Variants in ATP6V1H observed in about 807,000 individuals in gnomAD.
The protein encoded by ATP6V1H is V-type proton ATPase subunit H.
A neutral mutation model predicts 71.7 loss-of-function variants in ATP6V1H; 39 were observed. That is an observed-to-expected ratio of 0.54 (90% CI 0.42 to 0.71). The LOEUF is 0.71. Ranked by LOEUF, ATP6V1H falls within the 30% of genes least tolerant of loss-of-function variation. The pLI is 0.00. For synonymous variants in ATP6V1H, 192 were observed against 199.3 expected (o/e 0.96, Z 0.31); for missense variants, 509 against 594.9 (o/e 0.86, Z 1.50).
At chr8:53,796,563 T>C (rs1394924043) in intron 8 of ATP6V1H, among the ~76,000 whole-genome samples, 1 of 150,104 alleles carries the variant, frequency 6.7e-6, no homozygotes, top group Non-Finnish European at 1.5e-5. Context: ...GTGACCTTCA[T>C]ATTGGAGCAG....
chr8:53,773,843 A>C (rs1156727451), intron 9 of ATP6V1H, among the ~76,000 whole-genome samples: 1 of 152,228 alleles, frequency 6.6e-6, no homozygotes, highest in East Asian at 1.9e-4. Context: ...AAAAAGAAAC[A>C]GAAATCCTAG....
chr8:53,719,493 G>T (rs150546661), intron 13 of ATP6V1H, among the ~76,000 whole-genome samples: 2 of 152,116 alleles, frequency 1.3e-5, no homozygotes, highest in Non-Finnish European at 2.9e-5. Flanking sequence ...CCTGAATGTC[G>T]AATGACATTA....
At position 53,817,510 on chromosome 8, in the gene ATP6V1H, G is replaced by A. The variant is rs931667632; in HGVS notation, c.327C>T (p.Ser109=). The change falls in exon 5 of 14, where the codon AGC becomes AGT. Residue 109 remains serine, a synonymous_variant. Coordinates refer to ENST00000359530, the MANE Select transcript of ATP6V1H (RefSeq NM_015941.4). The part of the protein sequence containing the change: ...DMLQENHQRV[S]IFFDYARCSK... ...TACATCTTGCATAGTCAAAGAAAAT[G>A]CTAACACGCTGATGATTTTCCTAAA... The A allele has an allele frequency of 6.2e-7, 1 of 1,610,544 alleles. No individual in the cohort carries two copies. Among genetic ancestry groups the A allele is most frequent in the African/African-American group, 1.3e-5 (1 of 74,894 alleles).
At chr8:53,755,738 ATATATAT>A (rs1563451260) in intron 12 of ATP6V1H, among the ~76,000 whole-genome samples, 14 of 2,224 alleles carry the variant, frequency 6.3e-3, no homozygotes, top group Non-Finnish European at 9.1e-3. Flanking sequence ...ATATATATAT[ATATATAT>A]TTTTTTTTTT....
chr8:53,831,723 A>T (rs1377585086), intron 3 of ATP6V1H: 1 of 151,822 alleles, frequency 6.6e-6, no homozygotes, highest in African/African-American at 2.4e-5. Context: ...CACACGCTCA[A>T]ATAGTTTAAT....
chr8:53,735,325 G>C (rs1021761603), intron 13 of ATP6V1H, among the ~76,000 whole-genome samples: 1 of 152,038 alleles, frequency 6.6e-6, no homozygotes, highest in Non-Finnish European at 1.5e-5. Flanking sequence ...CTTACGAATC[G>C]CCTCAGATAA....
chr8:53,775,346 G>C lies in ATP6V1H; in HGVS notation c.871-3179C>G, dbSNP rs559463670. On this transcript the variant is annotated intron_variant, in intron 9 of 13. Coordinates refer to ENST00000359530, the MANE Select transcript of ATP6V1H (RefSeq NM_015941.4). The stretch of plus-strand genomic sequence containing the variant: ...AGAGCGAAAGAACACAGCTCCCACA[G>C]TGTGGAAGGGGACCGGAGCGGGTTG... Among the ~76,000 whole-genome samples the C allele has an allele frequency of 3.2e-4, 49 of 152,364 alleles. 1 individual carries two copies. The South Asian group carries it at 0.01, about 32-fold the overall frequency.
intron 11 of ATP6V1H, 24 bp from the exon 12 acceptor site, chr8:53,756,680 G>A (rs976893977): frequency 6.4e-7 from 1 of 1,557,676 alleles, no homozygotes; most frequent in Non-Finnish European, 8.8e-7. Context: ...TATCCAAAGA[G>A]AGATCAAGTT....
At chr8:53,755,715 TATATATATATATATATATATATATATATA>T (rs1563451095) in intron 12 of ATP6V1H, among the ~76,000 whole-genome samples, 285 of 6,842 alleles carry the variant, frequency 0.042, 11 homozygotes, top group Non-Finnish European at 0.054. Flanking sequence ...TATATATATA[TATATATATATATATATATATATATATATA>T]TTTTTTTTTT....
intron 13 of ATP6V1H, among the ~76,000 whole-genome samples, 191 bp downstream of exon 13, chr8:53,743,386 C>G (rs115136135): frequency 2.0e-5 from 3 of 151,420 alleles, no homozygotes; most frequent in Non-Finnish European, 4.4e-5. Flanking sequence ...CTCCTTGAGA[C>G]CTTTAGTGCA....
In ATP6V1H at chr8:53,791,135, A is replaced by G. The variant is rs555859908; in HGVS notation, c.870+4512T>C. Among the ~76,000 whole-genome samples, 3 of 152,368 alleles carry G rather than the reference A, an allele frequency of 2.0e-5. No individual in the cohort carries two copies. In the South Asian group the frequency reaches 6.2e-4, roughly 32 times the overall value. ...AACAGAAGGAGCATTAAGCCCTCAG[A>G]GAATAAATTTATTGAGTTGAAAAGA... is the stretch of plus-strand genomic sequence containing the variant. On this transcript the variant is annotated intron_variant, in intron 9 of 13. Coordinates refer to ENST00000359530, the MANE Select transcript of ATP6V1H (RefSeq NM_015941.4).
chr8:53,802,030 T>C, intron 7 of ATP6V1H, 134 bp from the exon 8 acceptor site: 1 of 699,402 alleles, frequency 1.4e-6, no homozygotes, highest in Non-Finnish European at 2.3e-6. Context: ...CTAATCTCTT[T>C]TCAAAAGTTA....
intron 1 of ATP6V1H, 129 bp from the exon 2 acceptor site, chr8:53,841,854 C>G: frequency 1.2e-6 from 1 of 816,260 alleles, no homozygotes; most frequent in Non-Finnish European, 1.8e-6. Context: ...ATTAAATGTC[C>G]TAAGTCTGAA....
intron 11 of ATP6V1H, among the ~76,000 whole-genome samples, chr8:53,758,114 T>C (rs1427107531): frequency 6.6e-6 from 1 of 152,256 alleles, no homozygotes; most frequent in African/African-American, 2.4e-5. Flanking sequence ...TATCTATTAA[T>C]ATTTTTAACA....
chr8:53,778,518 CG>C (rs1808973134), intron 9 of ATP6V1H, among the ~76,000 whole-genome samples: 1 of 152,068 alleles, frequency 6.6e-6, no homozygotes, highest in Admixed American at 6.6e-5. Context: ...CTCTGACAAC[CG>C]AAGACTATTC....
chr8:53,841,751 C>T lies in ATP6V1H; in HGVS notation c.-35-26G>A, dbSNP rs1041337804. ...CTTCAATTTTGATGCAAGGTAAAAA[C>T]AGAATACGAGGTGTTTCTTTTTTTT... On this transcript the variant is annotated intron_variant, in intron 1 of 13. Coordinates refer to ENST00000359530, the MANE Select transcript of ATP6V1H (RefSeq NM_015941.4). 48 of 1,592,920 alleles carry T rather than the reference C, an allele frequency of 3.0e-5. No individual in the cohort carries two copies. In the African/African-American group the frequency reaches 6.1e-4, roughly 20 times the overall value.
At chr8:53,819,147 A>G (rs1345856652) in intron 4 of ATP6V1H, among the ~76,000 whole-genome samples, 1 of 152,150 alleles carries the variant, frequency 6.6e-6, no homozygotes, top group African/African-American at 2.4e-5. Context: ...TCGAGGCTGC[A>G]GTGAGCTGTG....
rs1459387070 is a variant in ATP6V1H, at chr8:53,743,686, T to C, written c.1282A>G (p.Ile428Val). 16 of 1,606,892 alleles carry C rather than the reference T, an allele frequency of 1.0e-5. No individual in the cohort carries two copies. Among genetic ancestry groups the C allele is most frequent in the Non-Finnish European group, 1.3e-5 (15 of 1,174,602 alleles). Residue 428 changes from isoleucine to valine, a missense_variant, in exon 13 of 14, where the codon ATC becomes GTC. This residue lies in a region of ATP6V1H where 212 missense variants were observed against 291.6 expected (regional missense o/e 0.73). Coordinates refer to ENST00000359530, the MANE Select transcript of ATP6V1H (RefSeq NM_015941.4). ...AGCTGCTTCCCACCGAGCTGCTCGA[T>C]GACCCTGCAAACGGGAGAGACGTGG... ...VRHYPRGKRVIEQLGGKQLVM... is the reference protein window; with the variant it reads ...VRHYPRGKRVVEQLGGKQLVM...
At chr8:53,834,466 G>C (rs1292597496) in intron 2 of ATP6V1H, among the ~76,000 whole-genome samples, 1 of 152,116 alleles carries the variant, frequency 6.6e-6, no homozygotes, top group Non-Finnish European at 1.5e-5. Context: ...TCACTCTGTT[G>C]CCAGGCTGGA....
Sources: gnomAD v4.1 joint callset for allele counts (sites outside exome capture counted in the v4.1 genomes callset) on GRCh38, gnomAD v4.1.1 for gene constraint, gnomAD v4.1.1 regional missense constraint, MANE v1.5 for transcripts, NCBI Gene and HGNC (gene_info 2026-07-23, HGNC 2026-07-21) for gene names.